NRG3: variants seen among roughly 807,000 people sequenced by gnomAD.
NRG3 encodes pro-neuregulin-3, membrane-bound isoform.
In NRG3, 31 loss-of-function variants were observed where a neutral mutation model predicts 66.9. The observed-to-expected ratio is 0.46, with a 90% confidence interval of 0.35 to 0.63. NRG3 has a LOEUF of 0.63. Ranked by LOEUF, NRG3 falls within the 20% of genes least tolerant of loss-of-function variation. The probability of loss-of-function intolerance (pLI) is 0.00; values close to 1 mark genes in which losing one functional copy is unlikely to be tolerated. For synonymous variants in NRG3, 393 were observed against 359.4 expected (o/e 1.09, Z -1.06); for missense variants, 910 against 878.9 (o/e 1.04, Z -0.45).
At chr10:82,409,306 G>A (rs1001883607) in intron 2 of NRG3, among the ~76,000 whole-genome samples, 4 of 152,110 alleles carry the variant, frequency 2.6e-5, no homozygotes, top group African/African-American at 9.7e-5. Context: ...TGGCATATAA[G>A]CATAAAGCAG....
intron 1 of NRG3, among the ~76,000 whole-genome samples, chr10:81,918,306 A>T (rs1273700751): frequency 6.6e-6 from 1 of 152,168 alleles, no homozygotes; most frequent in Non-Finnish European, 1.5e-5. Flanking sequence ...TTCCCAGTGA[A>T]TTGATTTAAA....
intron 2 of NRG3, among the ~76,000 whole-genome samples, chr10:82,435,436 C>G (rs1054393771): frequency 2.6e-5 from 4 of 151,886 alleles, no homozygotes; most frequent in Non-Finnish European, 5.9e-5. Context: ...CTTTTTGTGT[C>G]TTTATCTCCT....
chr10:82,170,764 G>A (rs973379168), intron 1 of NRG3, among the ~76,000 whole-genome samples: 1 of 145,600 alleles, frequency 6.9e-6, no homozygotes, highest in African/African-American at 2.5e-5. Context: ...AATAGAGTCA[G>A]CTTTTTCAAA....
At chr10:82,943,907 C>T (rs1331465446) in intron 4 of NRG3, among the ~76,000 whole-genome samples, 1 of 152,144 alleles carries the variant, frequency 6.6e-6, no homozygotes, top group African/African-American at 2.4e-5. Flanking sequence ...ATATCATTCT[C>T]ATTATAAACA....
chr10:82,503,097 A>G (rs1271229138), intron 2 of NRG3, among the ~76,000 whole-genome samples: 2 of 152,216 alleles, frequency 1.3e-5, no homozygotes, highest in Non-Finnish European at 2.9e-5. Context: ...TTTGACTAGA[A>G]GAAAGCCCAG....
intron 1 of NRG3, among the ~76,000 whole-genome samples, chr10:82,140,292 T>A (rs1208013591): frequency 6.6e-6 from 1 of 152,156 alleles, no homozygotes; most frequent in Non-Finnish European, 1.5e-5. Flanking sequence ...TTACAATCAT[T>A]TTCTATTTTT....
At chr10:81,944,882 G>A (rs976122671) in intron 1 of NRG3, among the ~76,000 whole-genome samples, 12 of 152,124 alleles carry the variant, frequency 7.9e-5, no homozygotes, top group Non-Finnish European at 1.8e-4. Flanking sequence ...AAATCCCTCA[G>A]TCTGGCATGA....
chr10:82,914,764 C>CTTT (rs1554840809), intron 4 of NRG3, among the ~76,000 whole-genome samples: 5 of 134,570 alleles, frequency 3.7e-5, no homozygotes, highest in Admixed American at 8.2e-5. Flanking sequence ...TTTTTTTTTC[C>CTTT]CCACACCCCT....
At chr10:82,649,459 C>CTTTTTTT (rs71469930) in intron 2 of NRG3, among the ~76,000 whole-genome samples, 1 of 48,794 alleles carries the variant, frequency 2.0e-5, no homozygotes, top group South Asian at 1.5e-3. Flanking sequence ...CTGGTGCAGG[C>CTTTTTTT]TTTTTTTTTT....
At chr10:82,841,104 T>A (rs1262093309) in intron 3 of NRG3, among the ~76,000 whole-genome samples, 2 of 151,942 alleles carry the variant, frequency 1.3e-5, no homozygotes, top group Non-Finnish European at 2.9e-5. Flanking sequence ...GTTCATGGGA[T>A]GACTGAGGCA....
At chr10:82,813,477 G>A (rs1007163763) in intron 3 of NRG3, among the ~76,000 whole-genome samples, 1 of 152,058 alleles carries the variant, frequency 6.6e-6, no homozygotes, top group African/African-American at 2.4e-5. Context: ...GCCTCCCAAA[G>A]TGGTGGGATT....
At chr10:82,628,243 C>G (rs1590933764) in intron 2 of NRG3, among the ~76,000 whole-genome samples, 1 of 152,116 alleles carries the variant, frequency 6.6e-6, no homozygotes, top group African/African-American at 2.4e-5. Flanking sequence ...TTTTAGTTAT[C>G]AAAACATTGC....
chr10:82,723,979 C>CA (rs943555099), intron 2 of NRG3, among the ~76,000 whole-genome samples: 4 of 135,984 alleles, frequency 2.9e-5, no homozygotes, highest in African/African-American at 1.1e-4. Flanking sequence ...GACTCCATCT[C>CA]AAAAAAAAGT....
chr10:82,350,697 C>T (rs527717528), intron 1 of NRG3, among the ~76,000 whole-genome samples: 205 of 152,210 alleles, frequency 1.3e-3, no homozygotes, highest in Non-Finnish European at 2.6e-3. Flanking sequence ...CATATGTGTT[C>T]CAGTATTATT....
intron 1 of NRG3, among the ~76,000 whole-genome samples, chr10:82,118,339 C>G (rs368791720): frequency 6.6e-6 from 1 of 151,588 alleles, no homozygotes; most frequent in Admixed American, 6.6e-5. Flanking sequence ...TAAGAATAGT[C>G]GAAGTTGCCA....
chr10:82,553,074 G>A (rs954053090), intron 2 of NRG3, among the ~76,000 whole-genome samples: 2 of 151,882 alleles, frequency 1.3e-5, no homozygotes, highest in Non-Finnish European at 2.9e-5. Context: ...TTTATGGGAA[G>A]AGAAGAATGC....
At position 82,112,624 on chromosome 10, in the gene NRG3, G is replaced by C. The variant is rs114112638; in HGVS notation, c.823+236461G>C. On this transcript the variant is annotated intron_variant, in intron 1 of 8. Transcript: ENST00000372141. Reference sequence around the variant, plus strand: ...GGCGCTTCTTCATTAGTGCAGACTAGAGCTTGCTACAGACTGCTAATGAAT... The same window carrying C: ...GGCGCTTCTTCATTAGTGCAGACTACAGCTTGCTACAGACTGCTAATGAAT... 1.2e-3 allele frequency among the ~76,000 whole-genome samples: 184 copies of C among 152,218 alleles called. 1 individual carries two copies. Among genetic ancestry groups the C allele is most frequent in the African/African-American group, 4.3e-3 (179 of 41,548 alleles).
intron 1 of NRG3, among the ~76,000 whole-genome samples, chr10:82,049,662 C>T (rs1161010117): frequency 1.3e-5 from 2 of 151,904 alleles, no homozygotes; most frequent in Non-Finnish European, 2.9e-5. Context: ...AAGCCCATTC[C>T]AAACCCCATG....
At chr10:82,166,271 G>GCA (rs2072054144) in intron 1 of NRG3, among the ~76,000 whole-genome samples, 1 of 152,032 alleles carries the variant, frequency 6.6e-6, no homozygotes, top group Non-Finnish European at 1.5e-5. Context: ...CGCCCGCCTT[G>GCA]GCCTCCCAAA....
Sources: gnomAD v4.1 joint callset for allele counts (sites outside exome capture counted in the v4.1 genomes callset) on GRCh38, gnomAD v4.1.1 for gene constraint, MANE v1.5 for transcripts, NCBI Gene and HGNC (gene_info 2026-07-23, HGNC 2026-07-21) for gene names.